Variants in UGT1A6 observed in about 807,000 individuals in gnomAD.
UGT1A6 encodes UDP-glucuronosyltransferase 1A6.
UGT1A6 carries 32 observed loss-of-function variants against 44.4 expected under a neutral mutation model. The observed-to-expected ratio is 0.72, with a 90% CI of 0.54 to 0.97. The LOEUF is 0.97. UGT1A6 is among the 50% of genes least tolerant of loss of function. The pLI is 0.00. For synonymous variants in UGT1A6, 238 were observed against 248.5 expected (o/e 0.96, Z 0.40); for missense variants, 685 against 661.9 (o/e 1.03, Z -0.38).
chr2:233,730,518 T>A (rs1423750757), intron 1 of UGT1A6, among the ~76,000 whole-genome samples: 1 of 152,032 alleles, frequency 6.6e-6, no homozygotes, highest in South Asian at 2.1e-4. Context: ...TCAGTGGAAG[T>A]GGGGCAATGA....
rs557040072 is a variant in UGT1A6 at position 233,724,531 on chromosome 2, C to A, written c.861+30666C>A. ...CCTCACCTCCCAGATGGGGTCTCGCCGGGCAGAGGCGCTCCTCACATCCCA... is the reference window on the plus strand; with the variant it reads ...CCTCACCTCCCAGATGGGGTCTCGCAGGGCAGAGGCGCTCCTCACATCCCA... On this transcript the variant is annotated intron_variant, in intron 1 of 4. Transcript: ENST00000305139. 8.8e-3 allele frequency among the ~76,000 whole-genome samples: 1,074 copies of A among 121,634 alleles called. 62 individuals carry two copies. Among genetic ancestry groups the A allele is most frequent in the African/African-American group, 0.033 (990 of 29,780 alleles). 79.8% of individuals were successfully genotyped at this position (121,634 alleles called of 152,430 possible). A position where few individuals can be genotyped will look rare whatever the true frequency, so the allele number is the denominator to read the frequency against.
At position 233,731,325 on chromosome 2, in the gene UGT1A6, G is replaced by A. The variant is rs28898622; in HGVS notation, c.862-35709G>A. Among the ~76,000 whole-genome samples, 886 of 147,182 alleles carry A rather than the reference G, an allele frequency of 6.0e-3. 61 individuals carry two copies. In the East Asian group the frequency reaches 0.15, roughly 25 times the overall value. On this transcript the variant is annotated intron_variant, in intron 1 of 4. Transcript: ENST00000305139. The stretch of plus-strand genomic sequence containing the variant: ...TTATACTTTAAGTTCTAGGGTACAT[G>A]TGCACAAATTGCAGGTTTGATACAT...
intron 1 of UGT1A6, among the ~76,000 whole-genome samples, chr2:233,744,558 A>G (rs1559389162): frequency 6.6e-6 from 1 of 151,960 alleles, no homozygotes; most frequent in Non-Finnish European, 1.5e-5. Flanking sequence ...GACAAAATGT[A>G]GTGAGAAGAG....
intron 1 of UGT1A6, among the ~76,000 whole-genome samples, chr2:233,711,091 T>G (rs938656759): frequency 1.3e-5 from 2 of 152,216 alleles, no homozygotes; most frequent in East Asian, 3.8e-4. Flanking sequence ...CAAGTCTATC[T>G]GTGCAGCCCA....
intron 1 of UGT1A6, among the ~76,000 whole-genome samples, chr2:233,717,536 C>T (rs2076584500): frequency 6.6e-6 from 1 of 152,202 alleles, no homozygotes; most frequent in South Asian, 2.1e-4. Flanking sequence ...TAAGGGAAGC[C>T]TCAGCCTCAC....
intron 1 of UGT1A6, chr2:233,744,012 G>C (rs541267003): frequency 9.2e-7 from 1 of 1,089,588 alleles, no homozygotes. Flanking sequence ...GACCTGGGCC[G>C]CCTGGAGAGA....
At position 233,764,985 on chromosome 2, in the gene UGT1A6, G is replaced by A. The variant is rs952012916; in HGVS notation, c.862-2049G>A. On this transcript the variant is annotated intron_variant, in intron 1 of 4. Coordinates refer to ENST00000305139, the MANE Select transcript of UGT1A6 (RefSeq NM_001072.4). ...TTGGGAGAAGGATGGTCAGTGTCTG[G>A]GGCTTTCCTGGTCATGTTCCAAATC... Among the ~76,000 whole-genome samples, 3 of 152,196 alleles carry A rather than the reference G, an allele frequency of 2.0e-5. No homozygotes were observed. In the South Asian group the frequency reaches 6.2e-4, roughly 32 times the overall value.
rs374192063 is a variant in UGT1A6, at chr2:233,743,919, T to C, written c.862-23115T>C. On this transcript the variant is annotated intron_variant, in intron 1 of 4. Coordinates refer to ENST00000305139, the MANE Select transcript of UGT1A6 (RefSeq NM_001072.4). ...AGCACCTCGTAGTAGTCCACCATGC[T>C]GGATGGCCAGAACGGCCCACCAGGC... The C allele has an allele frequency of 3.5e-4, 473 of 1,363,952 alleles. 9 individuals are homozygous for C. The highest frequency in any genetic ancestry group is 2.5e-3 in the African/African-American group (172 of 67,460). 84.5% of individuals were successfully genotyped at this position (1,363,952 alleles called of 1,614,324 possible).
intron 1 of UGT1A6, among the ~76,000 whole-genome samples, chr2:233,700,840 T>G (rs891467529): frequency 9.9e-5 from 15 of 152,232 alleles, no homozygotes; most frequent in Middle Eastern, 3.4e-3. Context: ...TCATTTAGCA[T>G]TAGGTATATC....
intron 1 of UGT1A6, among the ~76,000 whole-genome samples, chr2:233,734,449 A>ATTTTGTTGATC (rs2078526533): frequency 6.6e-6 from 1 of 150,978 alleles, no homozygotes; most frequent in Admixed American, 6.6e-5. Context: ...AGGTCTATCA[A>ATTTTGTTGATC]TTTTCAAAAT....
intron 1 of UGT1A6, among the ~76,000 whole-genome samples, chr2:233,717,159 C>A (rs961271798): frequency 3.3e-5 from 5 of 152,194 alleles, no homozygotes; most frequent in African/African-American, 1.2e-4. Context: ...AACATGGGAG[C>A]CCCTTGAATG....
intron 1 of UGT1A6, among the ~76,000 whole-genome samples, chr2:233,712,032 A>C (rs564582261): frequency 2.6e-4 from 40 of 152,322 alleles, no homozygotes; most frequent in African/African-American, 8.4e-4. Flanking sequence ...TTGGTGCTGG[A>C]TTGACTTGGA....
intron 1 of UGT1A6, chr2:233,718,753 G>A: frequency 6.2e-7 from 1 of 1,612,362 alleles, no homozygotes; most frequent in Non-Finnish European, 8.5e-7. Flanking sequence ...AGGTAATTAA[G>A]GCGAAGGAAA....
chr2:233,770,939 G>A (rs923528747), intron 4 of UGT1A6: 1 of 152,144 alleles, frequency 6.6e-6, no homozygotes, highest in African/African-American at 2.4e-5. Context: ...TTGGCTGCCG[G>A]GGGAACCTCA....
chr2:233,747,677 C>A, intron 1 of UGT1A6: 1 of 1,606,760 alleles, frequency 6.2e-7, no homozygotes, highest in East Asian at 2.2e-5. Flanking sequence ...ACCCAATTTA[C>A]CTCTGTGGGG....
intron 1 of UGT1A6, chr2:233,743,783 C>T (rs781656153): frequency 2.2e-6 from 3 of 1,367,380 alleles, no homozygotes; most frequent in Non-Finnish European, 2.9e-6. Context: ...CTGCTTGAAT[C>T]TCCTCTCCGC....
At chr2:233,757,269 G>C (rs1302149472) in intron 1 of UGT1A6, among the ~76,000 whole-genome samples, 1 of 127,616 alleles carries the variant, frequency 7.8e-6, no homozygotes, top group African/African-American at 2.9e-5. Context: ...GGCAGCCGAT[G>C]CAATGATTCA....
At chr2:233,748,117 C>G in intron 1 of UGT1A6, 1 of 1,611,604 alleles carries the variant, frequency 6.2e-7, no homozygotes, top group Non-Finnish European at 8.5e-7. Context: ...ATGTTCCAGG[C>G]AAAACAGTTT....
intron 1 of UGT1A6, among the ~76,000 whole-genome samples, chr2:233,714,963 A>T (rs1575508656): frequency 6.6e-6 from 1 of 151,772 alleles, no homozygotes; most frequent in South Asian, 2.1e-4. Context: ...TGCAACCTCC[A>T]CCTCCCAGGT....
Sources: gnomAD v4.1 joint callset for allele counts (sites outside exome capture counted in the v4.1 genomes callset) on GRCh38, gnomAD v4.1.1 for gene constraint, MANE v1.5 for transcripts, NCBI Gene and HGNC (gene_info 2026-07-23, HGNC 2026-07-21) for gene names.